Variants in ACTN1 observed in about 807,000 individuals in gnomAD.
ACTN1 encodes the protein alpha-actinin-1.
Under a neutral mutation model 119.6 loss-of-function variants are expected in ACTN1, and 30 were observed. The ratio of observed to expected loss-of-function variants is 0.25; its 90% CI spans 0.19 to 0.34. The LOEUF (loss-of-function observed/expected upper bound fraction) is 0.34. Among genes scored for constraint, ACTN1 ranks in the 10% least tolerant of loss-of-function variants. ACTN1 has a pLI of 1.00. For synonymous variants in ACTN1, 429 were observed against 472.6 expected (o/e 0.91, Z 1.20); for missense variants, 764 against 1,223.4 (o/e 0.62, Z 5.60).
At chr14:68,974,491 C>T (rs143834504) in intron 1 of ACTN1, among the ~76,000 whole-genome samples, 8 of 152,278 alleles carry the variant, frequency 5.3e-5, no homozygotes, top group Non-Finnish European at 1.0e-4. Context: ...CATGGATAGT[C>T]ACTGTTGCTC....
Position 68,878,637 on chromosome 14 carries a change from T to C in ACTN1, c.2362-114A>G, listed in dbSNP as rs751499146. 2.1e-5 allele frequency: 33 copies of C among 1,560,018 alleles called. No homozygotes were observed. Among genetic ancestry groups the C allele is most frequent in the Non-Finnish European group, 2.9e-5 (33 of 1,153,464 alleles). On this transcript the variant is annotated intron_variant, in intron 19 of 21. Coordinates refer to ENST00000394419, the MANE Select transcript of ACTN1 (RefSeq NM_001130004.2). This position sits in a 1 kb window ranked among gnomAD's most constrained non-coding sequence, Gnocchi z 4.4. ...ATGGCCAGAACGGGGATGAGATTTA[T>C]GGTTTTGGGGGTCAGGATAGGTAAA...
chr14:68,919,632 C>T (rs1364103468), intron 3 of ACTN1, among the ~76,000 whole-genome samples: 2 of 152,172 alleles, frequency 1.3e-5, no homozygotes, highest in Non-Finnish European at 2.9e-5. Context: ...TTGAGAAGCT[C>T]ACAGCTGGTG....
rs1450644417 is a variant in ACTN1 at position 68,902,467 on chromosome 14, C to G, written c.762+10G>C. The G allele has an allele frequency of 6.2e-7, 1 of 1,612,410 alleles. No individual in the cohort carries two copies. Among genetic ancestry groups the G allele is most frequent in the Non-Finnish European group, 8.5e-7 (1 of 1,178,970 alleles). ...TGCTGGGCATGGAAGGAGCAGGGGG[C>G]CCCGGGTACCTTCTGGGCTCCAGAG... On this transcript the variant is annotated intron_variant, in intron 8 of 21. Transcript: ENST00000394419.
intron 4 of ACTN1, 99 bp from the exon 5 acceptor site, chr14:68,910,141 C>G: frequency 1.2e-6 from 1 of 863,330 alleles, no homozygotes; most frequent in Non-Finnish European, 1.8e-6. Flanking sequence ...TTGATGCCAA[C>G]CCTGCAGCTA....
chr14:68,933,475 C>T (rs1446563833), intron 1 of ACTN1, among the ~76,000 whole-genome samples: 7 of 152,018 alleles, frequency 4.6e-5, no homozygotes, highest in African/African-American at 1.7e-4. Flanking sequence ...GAAACAGTGG[C>T]CCTCTTGGGC....
At chr14:68,927,138 G>T (rs909521710) in intron 1 of ACTN1, among the ~76,000 whole-genome samples, 2 of 151,800 alleles carry the variant, frequency 1.3e-5, no homozygotes, top group Non-Finnish European at 1.5e-5. Flanking sequence ...GGGAAGACTG[G>T]CACACAGATC....
At chr14:68,937,372 T>A (rs1016118997) in intron 1 of ACTN1, among the ~76,000 whole-genome samples, 1 of 152,082 alleles carries the variant, frequency 6.6e-6, no homozygotes, top group African/African-American at 2.4e-5. Context: ...TCAGGTATTA[T>A]GGAGGAGGAA....
intron 10 of ACTN1, among the ~76,000 whole-genome samples, chr14:68,890,608 C>G (rs1293213190): frequency 6.6e-6 from 1 of 152,230 alleles, no homozygotes; most frequent in Non-Finnish European, 1.5e-5. Context: ...TCCCGCAGGA[C>G]TCTAACCGAT....
chr14:68,968,702 A>G (rs1261254226), intron 1 of ACTN1, among the ~76,000 whole-genome samples: 1 of 152,242 alleles, frequency 6.6e-6, no homozygotes, highest in African/African-American at 2.4e-5. Flanking sequence ...CAGAAAATCT[A>G]GAAATACTTG....
intron 8 of ACTN1, among the ~76,000 whole-genome samples, chr14:68,899,216 CA>C (rs2033121129): frequency 9.0e-6 from 1 of 111,650 alleles, no homozygotes; most frequent in Non-Finnish European, 2.0e-5. Flanking sequence ...CCCTCCACAC[CA>C]CACACCACAC....
rs1233162317 is a variant in ACTN1, at chr14:68,909,266, C to T, written c.594+52G>A. ...ACAAGGGTCCTAGTCCTGCTCTTTTCCCACCCCACCTGCCAGGGACCCAAA... is the reference window on the plus strand; with the variant it reads ...ACAAGGGTCCTAGTCCTGCTCTTTTTCCACCCCACCTGCCAGGGACCCAAA... On this transcript the variant is annotated intron_variant, in intron 6 of 21. Coordinates refer to ENST00000394419, the MANE Select transcript of ACTN1 (RefSeq NM_001130004.2). This position sits in a 1 kb window ranked among gnomAD's most constrained non-coding sequence, Gnocchi z 4.1. 6.3e-7 allele frequency: 1 copy of T among 1,576,288 alleles called. No homozygotes were observed. The highest frequency in any genetic ancestry group is 8.7e-7 in the Non-Finnish European group (1 of 1,147,532).
intron 3 of ACTN1, among the ~76,000 whole-genome samples, chr14:68,918,122 C>T (rs115878517): frequency 0.042 from 6,365 of 152,220 alleles, 212 homozygotes; most frequent in African/African-American, 0.093. Context: ...GCTAGGCCTG[C>T]GTCAAAGGAA....
At chr14:68,906,984 G>C in intron 6 of ACTN1, among the ~76,000 whole-genome samples, 1 of 147,656 alleles carries the variant, frequency 6.8e-6, no homozygotes, top group East Asian at 2.0e-4. Flanking sequence ...TTAAAAAACA[G>C]AAGGGGGGCT....
At position 68,874,935 on chromosome 14, in the gene ACTN1, G is replaced by A; in HGVS notation, c.2669C>T (p.Thr890Ile). Residue 890 changes from threonine to isoleucine, a missense_variant, in exon 22 of 22, where the codon ACC (threonine) becomes ATC (isoleucine). Coordinates refer to ENST00000394419, the MANE Select transcript of ACTN1 (RefSeq NM_001130004.2). ...AGCACCTGGCACGGAGTCGGGGCCGGTGTAGGGGGCCATCCGCGCGATGCA... is the reference window on the plus strand; with the variant it reads ...AGCACCTGGCACGGAGTCGGGGCCGATGTAGGGGGCCATCCGCGCGATGCA... ...EYCIARMAPY[T>I]GPDSVPGALD... 6.2e-7 allele frequency: 1 copy of A among 1,613,090 alleles called. No individual in the cohort carries two copies.
rs766236740 is a variant in ACTN1, at chr14:68,902,558, G to A, written c.681C>T (p.Ile227=). ...TCTCATCCGGTCGGGCAGTTCCAAC[G>A]ATGTCTGTCAAGAAAAATCTGGAGT... ...DIPKMLDAED[I]VGTARPDEKA... Residue 227 remains isoleucine (I), a synonymous_variant, in exon 8 of 22, where the codon ATC becomes ATT. Transcript: ENST00000394419. 1.9e-5 allele frequency: 31 copies of A among 1,613,442 alleles called. No homozygotes were observed. Among genetic ancestry groups the A allele is most frequent in the Middle Eastern group, 1.6e-4 (1 of 6,076 alleles).
chr14:68,874,755 G>A lies in ACTN1; in HGVS notation c.*104C>T. On this transcript the variant is annotated 3_prime_UTR_variant, in exon 22 of 22. Transcript: ENST00000394419. Reference sequence around the variant, plus strand: ...TGCCACGTGGGCCCCAGCTCACCCGGGTGGAGGCTGGGAGCTGAAACCGAA... The same window carrying A: ...TGCCACGTGGGCCCCAGCTCACCCGAGTGGAGGCTGGGAGCTGAAACCGAA... The A allele has an allele frequency of 8.2e-7, 1 of 1,223,268 alleles. No homozygotes were observed. The allele number at this position is 1,223,268 out of a possible 1,614,324, so 75.8% of individuals were successfully genotyped here. A position where few individuals can be genotyped will look rare whatever the true frequency, so the allele number is the denominator to read the frequency against.
At chr14:68,923,087 T>C (rs1207642020) in intron 2 of ACTN1, among the ~76,000 whole-genome samples, 1 of 152,210 alleles carries the variant, frequency 6.6e-6, no homozygotes, top group Non-Finnish European at 1.5e-5. Context: ...GTCAGACCTA[T>C]GCAGCAGGAA....
intron 8 of ACTN1, among the ~76,000 whole-genome samples, chr14:68,901,216 T>TG (rs1566616754): frequency 1.4e-5 from 2 of 140,512 alleles, no homozygotes; most frequent in Non-Finnish European, 3.1e-5. Flanking sequence ...GGTTTTTTTT[T>TG]GTTTTTTTTT....
intron 1 of ACTN1, among the ~76,000 whole-genome samples, chr14:68,948,556 C>G (rs1213233917): frequency 6.6e-6 from 1 of 151,798 alleles, no homozygotes; most frequent in Non-Finnish European, 1.5e-5. Context: ...CCAGCCTGGG[C>G]AAAACAGCAA....
Sources: gnomAD v4.1 joint callset for allele counts (sites outside exome capture counted in the v4.1 genomes callset) on GRCh38, gnomAD v4.1.1 for gene constraint, Gnocchi (gnomAD v3.1) non-coding constraint, MANE v1.5 for transcripts, NCBI Gene and HGNC (gene_info 2026-07-23, HGNC 2026-07-21) for gene names.